CNOT10: variants seen among roughly 807,000 people sequenced by gnomAD.
CNOT10 encodes the protein CCR4-NOT transcription complex subunit 10.
In CNOT10, 30 loss-of-function variants were observed where a neutral mutation model predicts 94.6. The ratio of observed to expected loss-of-function variants is 0.32; its 90% CI spans 0.24 to 0.43. The LOEUF (loss-of-function observed/expected upper bound fraction) is 0.43, where lower values mean the gene tolerates loss of function less well. Among genes scored for constraint, CNOT10 ranks in the 20% least tolerant of loss-of-function variants. CNOT10 has a pLI of 1.00. For synonymous variants in CNOT10, 289 were observed against 301.6 expected (o/e 0.96, Z 0.43); for missense variants, 759 against 877.2 (o/e 0.87, Z 1.70).
At chr3:32,718,930 C>T (rs1444334540) in intron 7 of CNOT10, among the ~76,000 whole-genome samples, 1 of 152,228 alleles carries the variant, frequency 6.6e-6, no homozygotes, top group East Asian at 1.9e-4. Flanking sequence ...ACCTTGCCAA[C>T]ATGGGGAAGC....
At chr3:32,729,199 G>A (rs1698825233) in intron 10 of CNOT10, among the ~76,000 whole-genome samples, 1 of 152,322 alleles carries the variant, frequency 6.6e-6, no homozygotes, top group South Asian at 2.1e-4. Flanking sequence ...CAGAGTTTAT[G>A]GATTACCAGG....
chr3:32,716,704 A>G (rs561934966), intron 6 of CNOT10, among the ~76,000 whole-genome samples: 2 of 152,256 alleles, frequency 1.3e-5, no homozygotes, highest in South Asian at 2.1e-4. Flanking sequence ...CTGCAGTGCA[A>G]TGGTGCGATC....
chr3:32,750,446 C>T (rs533943859), intron 13 of CNOT10, among the ~76,000 whole-genome samples: 1 of 151,924 alleles, frequency 6.6e-6, no homozygotes, highest in South Asian at 2.1e-4. Flanking sequence ...GAGCCAAGAT[C>T]GCACCACTGC....
chr3:32,716,572 G>A (rs1038540917), intron 6 of CNOT10, among the ~76,000 whole-genome samples: 3 of 152,242 alleles, frequency 2.0e-5, no homozygotes, highest in Middle Eastern at 3.4e-3. Flanking sequence ...AAAATCAACT[G>A]GAATTTTAAA....
chr3:32,703,744 T>C lies in CNOT10; in HGVS notation c.23-124T>C. ...ACTTAAGAACTGCTTATTTCTGGAATTTTCCATCTGATATTTTCATACTTG... is the reference window on the plus strand; with the variant it reads ...ACTTAAGAACTGCTTATTTCTGGAACTTTCCATCTGATATTTTCATACTTG... On this transcript the variant is annotated intron_variant, in intron 1 of 18. Transcript: ENST00000328834. 2.0e-5 allele frequency: 13 copies of C among 640,842 alleles called. 1 individual carries two copies. In the South Asian group the frequency reaches 2.5e-4, roughly 12 times the overall value. 39.7% of individuals were successfully genotyped at this position (640,842 alleles called of 1,614,324 possible).
intron 13 of CNOT10, among the ~76,000 whole-genome samples, chr3:32,751,815 C>G (rs187920655): frequency 6.6e-6 from 1 of 152,202 alleles, no homozygotes; most frequent in Non-Finnish European, 1.5e-5. Context: ...TTCAGTCTTA[C>G]GACTGAGTGT....
intron 1 of CNOT10, among the ~76,000 whole-genome samples, chr3:32,697,441 A>G (rs1411169327): frequency 6.6e-6 from 1 of 152,060 alleles, no homozygotes; most frequent in Non-Finnish European, 1.5e-5. Flanking sequence ...AATCTAGGGC[A>G]TATTTTACTT....
chr3:32,748,271 G>A (rs966931421), intron 13 of CNOT10, among the ~76,000 whole-genome samples: 1 of 152,138 alleles, frequency 6.6e-6, no homozygotes, highest in African/African-American at 2.4e-5. Flanking sequence ...TTGTTACTAT[G>A]TCACAGTTTT....
At chr3:32,762,644 A>T in intron 14 of CNOT10, 89 bp from the exon 15 acceptor site, 1 of 1,332,854 alleles carries the variant, frequency 7.5e-7, no homozygotes, top group Non-Finnish European at 1.0e-6. Context: ...TATCCAATGT[A>T]TAATAACATA....
intron 18 of CNOT10, among the ~76,000 whole-genome samples, chr3:32,771,613 A>AATG (rs1333434203): frequency 2.0e-5 from 3 of 151,994 alleles, no homozygotes; most frequent in Non-Finnish European, 4.4e-5. Flanking sequence ...TAATAATAAT[A>AATG]ATAAATACCT....
intron 13 of CNOT10, among the ~76,000 whole-genome samples, chr3:32,741,768 C>CAAAAAA (rs529423159): frequency 2.1e-4 from 18 of 86,526 alleles, no homozygotes; most frequent in Non-Finnish European, 2.5e-4. Context: ...GACTCCGTCT[C>CAAAAAA]AAAAAAAAAA....
At chr3:32,712,566 G>T (rs1458015670) in intron 4 of CNOT10, among the ~76,000 whole-genome samples, 35 of 152,210 alleles carry the variant, frequency 2.3e-4, no homozygotes, top group Admixed American at 2.3e-3. Flanking sequence ...GGATTTTGAG[G>T]CTGGACACAG....
At chr3:32,773,087 G>A (rs1019841639) in intron 18 of CNOT10, among the ~76,000 whole-genome samples, 3 of 152,026 alleles carry the variant, frequency 2.0e-5, no homozygotes, top group South Asian at 2.1e-4. Context: ...AGCTGGTCTC[G>A]AACTCCTGAG....
At chr3:32,735,859 A>G (rs1699164289) in intron 12 of CNOT10, among the ~76,000 whole-genome samples, 1 of 152,138 alleles carries the variant, frequency 6.6e-6, no homozygotes, top group Non-Finnish European at 1.5e-5. Context: ...ATTCAAAATT[A>G]TGCAAATCTA....
At chr3:32,712,524 T>A (rs76431227) in intron 4 of CNOT10, among the ~76,000 whole-genome samples, 2,979 of 152,306 alleles carry the variant, frequency 0.02, 48 homozygotes, top group East Asian at 0.047. Flanking sequence ...ATGAGCATTT[T>A]ATTTGAGCAT....
chr3:32,732,424 A>G (rs1343520056), intron 10 of CNOT10, among the ~76,000 whole-genome samples: 2 of 151,842 alleles, frequency 1.3e-5, no homozygotes, highest in African/African-American at 2.4e-5. Flanking sequence ...AAAAATAAAT[A>G]GAAAAATTAG....
At chr3:32,748,623 C>T (rs1699817569) in intron 13 of CNOT10, among the ~76,000 whole-genome samples, 1 of 151,940 alleles carries the variant, frequency 6.6e-6, no homozygotes, top group African/African-American at 2.4e-5. Flanking sequence ...AATTATTCTC[C>T]TGCCTCAGCC....
chr3:32,745,964 C>A (rs1439216146), intron 13 of CNOT10, among the ~76,000 whole-genome samples: 2 of 152,200 alleles, frequency 1.3e-5, no homozygotes, highest in Admixed American at 6.5e-5. Context: ...TGCACTCCAA[C>A]CTGGGTGACA....
At chr3:32,752,673 CAACTTT>C (rs758330413) in intron 13 of CNOT10, among the ~76,000 whole-genome samples, 1 of 152,156 alleles carries the variant, frequency 6.6e-6, no homozygotes, top group African/African-American at 2.4e-5. Context: ...AACTAAACTT[CAACTTT>C]AACAGTTGAA....
Sources: gnomAD v4.1 joint callset for allele counts (sites outside exome capture counted in the v4.1 genomes callset) on GRCh38, gnomAD v4.1.1 for gene constraint, MANE v1.5 for transcripts, NCBI Gene and HGNC (gene_info 2026-07-23, HGNC 2026-07-21) for gene names.